Variants in ROPN1L observed in about 807,000 individuals in gnomAD.
The protein encoded by ROPN1L is ropporin-1-like protein.
Under a neutral mutation model 22.7 loss-of-function variants are expected in ROPN1L, and 23 were observed. That is an observed-to-expected ratio of 1.01 (90% CI 0.73 to 1.43). The LOEUF (loss-of-function observed/expected upper bound fraction) is 1.43, where lower values mean the gene tolerates loss of function less well. Among genes scored for constraint, ROPN1L ranks in the 40% most tolerant of loss-of-function variants. The pLI is 0.00. For missense variants in ROPN1L, 271 were observed against 291.5 expected, an observed-to-expected ratio of 0.93 and a Z score of 0.51; for synonymous variants, 116 against 117.8, an observed-to-expected ratio of 0.98 and a Z score of 0.10.
intron 1 of ROPN1L, among the ~76,000 whole-genome samples, 153 bp downstream of exon 1, chr5:10,442,451 A>T (rs1302195105): frequency 6.6e-6 from 1 of 152,230 alleles, no homozygotes; most frequent in East Asian, 1.9e-4. Context: ...TGACATCTAT[A>T]CTTGAGTGTT....
In ROPN1L at chr5:10,441,960, G is replaced by A. The variant is rs567902794; in HGVS notation, c.-208G>A. On this transcript the variant is annotated 5_prime_UTR_variant, in exon 1 of 5. In the 5' UTR this introduces an upstream ATG that the reference lacks. Transcript: ENST00000274134. ...CTGCAGGGTCTAGGGTGTTGTCGGA[G>A]TGGCAGTTGGTCCGAATTTCTCCCG... 301 of 585,004 alleles carry A rather than the reference G, an allele frequency of 5.1e-4. 1 individual carries two copies. Among genetic ancestry groups the A allele is most frequent in the South Asian group, 7.2e-4 (36 of 50,194 alleles). The allele number at this position is 585,004 out of a possible 1,614,324, so 36.2% of individuals were successfully genotyped here.
chr5:10,456,872 G>A (rs1370511491), intron 3 of ROPN1L, among the ~76,000 whole-genome samples: 2 of 152,090 alleles, frequency 1.3e-5, no homozygotes, highest in Admixed American at 6.5e-5. Flanking sequence ...GGAACGGCGC[G>A]TTACACAGAT....
At chr5:10,474,310 GTA>G (rs566627598), downstream of ROPN1L, among the ~76,000 whole-genome samples, 24 of 152,300 alleles carry the variant, frequency 1.6e-4, no homozygotes, top group South Asian at 5.0e-3. Flanking sequence ...GTAGGTCTGT[GTA>G]TAGTCAGGTA....
chr5:10,449,444 G>A (rs1371919311), intron 2 of ROPN1L, among the ~76,000 whole-genome samples: 1 of 152,138 alleles, frequency 6.6e-6, no homozygotes, highest in East Asian at 1.9e-4. Flanking sequence ...ACTTAACCCT[G>A]GGAGGTGGAG....
chr5:10,470,125 AT>A (rs1047723016), intron 4 of ROPN1L, among the ~76,000 whole-genome samples: 1 of 152,168 alleles, frequency 6.6e-6, no homozygotes. Flanking sequence ...GCAGCCAATA[AT>A]TTTTTTCAAG....
downstream of ROPN1L, among the ~76,000 whole-genome samples, chr5:10,466,343 G>T (rs570723858): frequency 8.5e-5 from 13 of 152,218 alleles, no homozygotes; most frequent in African/African-American, 3.1e-4. Context: ...GGGAGGTGAT[G>T]GGGAGGGGAA....
At chr5:10,459,146 A>G (rs1734949851) in intron 3 of ROPN1L, among the ~76,000 whole-genome samples, 1 of 151,606 alleles carries the variant, frequency 6.6e-6, no homozygotes, top group African/African-American at 2.4e-5. Flanking sequence ...TCAGGCACCA[A>G]ACATTGGAAC....
At position 10,454,788 on chromosome 5, in the gene ROPN1L, C is replaced by T. The variant is rs17759003; in HGVS notation, c.417+4675C>T. 7.1e-3 allele frequency among the ~76,000 whole-genome samples: 1,083 copies of T among 152,266 alleles called. 7 individuals carry two copies. The highest frequency in any genetic ancestry group is 0.012 in the Non-Finnish European group (846 of 68,024). On this transcript the variant is annotated intron_variant, in intron 3 of 4. Transcript: ENST00000274134. ...GGGTGCGGGAGTGCACAGAGCCCTG[C>T]GTGTGTATTCTCTGGAATCCTCCCA... is the stretch of plus-strand genomic sequence containing the variant.
At chr5:10,451,640 C>T (rs2126442084) in intron 3 of ROPN1L, among the ~76,000 whole-genome samples, 1 of 152,350 alleles carries the variant, frequency 6.6e-6, no homozygotes, top group African/African-American at 2.4e-5. Flanking sequence ...CTGCAGATGG[C>T]CCCAGTGGGA....
chr5:10,441,932 GA>G lies in ROPN1L; in HGVS notation c.-234del, dbSNP rs1337224727. 1 of 394,838 alleles carries G rather than the reference GA, an allele frequency of 2.5e-6. No individual in the cohort carries two copies. Among genetic ancestry groups the G allele is most frequent in the South Asian group, 3.9e-5 (1 of 25,340 alleles). The allele number at this position is 394,838 out of a possible 1,614,324, so 24.5% of individuals were successfully genotyped here. ...GTCCGTAGTGGCGGCTGGCGCTAGG[GA>G]ACTGCAGGGTCTAGGGTGTTGTCGG... On this transcript the variant is annotated 5_prime_UTR_variant, in exon 1 of 5. Coordinates refer to ENST00000274134, the MANE Select transcript of ROPN1L (RefSeq NM_031916.5).
At chr5:10,442,334 C>T (rs780055433) in intron 1 of ROPN1L, 36 bp downstream of exon 1, 4 of 1,608,184 alleles carry the variant, frequency 2.5e-6, no homozygotes, top group Admixed American at 1.7e-5. Context: ...GTCCGGTCTA[C>T]ATGCCCAAGC....
intron 4 of ROPN1L, among the ~76,000 whole-genome samples, chr5:10,462,615 T>A (rs887731031): frequency 4.6e-5 from 7 of 152,158 alleles, no homozygotes; most frequent in Non-Finnish European, 1.0e-4. Flanking sequence ...AGATAGAGGC[T>A]GGGCACGGTG....
chr5:10,448,158 C>T (rs1338705631), intron 1 of ROPN1L, 102 bp from the exon 2 acceptor site: 1 of 1,375,258 alleles, frequency 7.3e-7, no homozygotes, highest in Non-Finnish European at 1.0e-6. Context: ...TCAGAGCTGT[C>T]CTTCCTAATC....
At chr5:10,461,118 C>G (rs1460536800) in intron 3 of ROPN1L, 66 bp from the exon 4 acceptor site, 2 of 1,457,936 alleles carry the variant, frequency 1.4e-6, no homozygotes, top group Non-Finnish European at 1.9e-6. Flanking sequence ...CTGCTGATGC[C>G]TGCTTTCAAT....
chr5:10,451,992 C>A (rs1325006707), intron 3 of ROPN1L, among the ~76,000 whole-genome samples: 1 of 114,628 alleles, frequency 8.7e-6, no homozygotes, highest in Non-Finnish European at 1.9e-5. Context: ...CTGTATCTAG[C>A]TATATGTTTT....
the ROPN1L span, among the ~76,000 whole-genome samples, chr5:10,478,829 T>G: frequency 1.3e-5 from 2 of 152,180 alleles, no homozygotes; most frequent in African/African-American, 4.8e-5. Flanking sequence ...AAAGAAGTGC[T>G]AATTGGAGAA....
chr5:10,456,140 C>G (rs756832309), intron 3 of ROPN1L, among the ~76,000 whole-genome samples: 36 of 152,352 alleles, frequency 2.4e-4, no homozygotes, highest in African/African-American at 8.7e-4. Flanking sequence ...GTGCTCTTCA[C>G]TCATCTCCAC....
At chr5:10,469,979 T>C (rs1027835023), downstream of ROPN1L, among the ~76,000 whole-genome samples, 30 of 152,260 alleles carry the variant, frequency 2.0e-4, no homozygotes, top group South Asian at 2.1e-4. Context: ...TGAATTCTCA[T>C]TGTGTGAGAG....
chr5:10,459,803 C>G (rs1161249742), intron 3 of ROPN1L, among the ~76,000 whole-genome samples: 1 of 152,232 alleles, frequency 6.6e-6, no homozygotes, highest in Non-Finnish European at 1.5e-5. Flanking sequence ...ACCCTAGAAT[C>G]CAGGTGTTGT....
Sources: gnomAD v4.1 joint callset for allele counts (sites outside exome capture counted in the v4.1 genomes callset) on GRCh38, gnomAD v4.1.1 for gene constraint, MANE v1.5 for transcripts, NCBI Gene and HGNC (gene_info 2026-07-23, HGNC 2026-07-21) for gene names.